The following XKR4 variants were observed in gnomAD, a reference collection of about 807,000 sequenced individuals.
XKR4 encodes the protein XK-related protein 4.
Under a neutral mutation model 53.9 loss-of-function variants are expected in XKR4, and 12 were observed. The observed-to-expected ratio is 0.22, with a 90% CI of 0.14 to 0.36. The LOEUF (loss-of-function observed/expected upper bound fraction) is 0.36. Ranked by LOEUF, XKR4 falls within the 10% of genes least tolerant of loss-of-function variation. XKR4 has a pLI of 1.00. For synonymous variants in XKR4, 354 were observed against 362.4 expected, an observed-to-expected ratio of 0.98 and a Z score of 0.26; for missense variants, 799 against 859.5, an observed-to-expected ratio of 0.93 and a Z score of 0.88.
intron 1 of XKR4, among the ~76,000 whole-genome samples, chr8:55,125,409 T>G (rs1816451397): frequency 6.6e-6 from 1 of 152,068 alleles, no homozygotes; most frequent in Non-Finnish European, 1.5e-5. Flanking sequence ...TAATTTTGTA[T>G]TTTTAGTAGA....
intron 2 of XKR4, among the ~76,000 whole-genome samples, chr8:55,420,020 G>T (rs1478352465): frequency 6.6e-6 from 1 of 152,184 alleles, no homozygotes; most frequent in Non-Finnish European, 1.5e-5. Flanking sequence ...TCCAACAATT[G>T]TTATAAAAAG....
chr8:55,517,719 G>T (rs1486206417), intron 2 of XKR4: 1 of 152,210 alleles, frequency 6.6e-6, no homozygotes, highest in African/African-American at 2.4e-5. Context: ...TGGGCCCAGA[G>T]AGCTGCCAGG....
intron 1 of XKR4, among the ~76,000 whole-genome samples, chr8:55,250,834 A>C (rs1032269641): frequency 2.0e-5 from 3 of 152,254 alleles, no homozygotes; most frequent in African/African-American, 7.2e-5. Context: ...GAATAATTCA[A>C]ATAATCAATG....
chr8:55,320,699 G>A (rs562219070), intron 1 of XKR4, among the ~76,000 whole-genome samples: 2 of 152,096 alleles, frequency 1.3e-5, no homozygotes, highest in South Asian at 4.2e-4. Flanking sequence ...GCCTGATTCT[G>A]GCAGTCTGCA....
At chr8:55,369,344 A>AGAAAG (rs1188923513) in intron 2 of XKR4, among the ~76,000 whole-genome samples, 7 of 121,232 alleles carry the variant, frequency 5.8e-5, no homozygotes, top group East Asian at 5.6e-4. Context: ...CATGATGCTG[A>AGAAAG]GAAAGGAAAG....
intron 1 of XKR4, among the ~76,000 whole-genome samples, chr8:55,341,620 A>G (rs1803547884): frequency 6.6e-6 from 1 of 152,240 alleles, no homozygotes; most frequent in African/African-American, 2.4e-5. Flanking sequence ...CCAAAAAAAG[A>G]TGACCAAAGA....
In XKR4 at chr8:55,335,619, T is replaced by C. The variant is rs569998952; in HGVS notation, c.807-22059T>C. 2.0e-5 allele frequency among the ~76,000 whole-genome samples: 3 copies of C among 152,318 alleles called. No individual in the cohort carries two copies. In the East Asian group the frequency reaches 5.8e-4, roughly 29 times the overall value. On this transcript the variant is annotated intron_variant, in intron 1 of 2. Transcript: ENST00000327381. The stretch of plus-strand genomic sequence containing the variant: ...AAACCTATGTTCACACAAAATCCTG[T>C]ATTTGAATATTTGTAGCAGTATATT...
chr8:55,446,847 G>A (rs562846538), intron 2 of XKR4, among the ~76,000 whole-genome samples: 38 of 152,290 alleles, frequency 2.5e-4, no homozygotes, highest in South Asian at 4.1e-4. Context: ...GTCAATGGAC[G>A]TTTGCAGAGT....
intron 1 of XKR4, among the ~76,000 whole-genome samples, chr8:55,304,693 C>T (rs1585999737): frequency 6.6e-6 from 1 of 152,198 alleles, no homozygotes; most frequent in Non-Finnish European, 1.5e-5. Context: ...GTATTGGGTG[C>T]ATATATATTT....
chr8:55,154,295 C>T (rs1816877437), intron 1 of XKR4, among the ~76,000 whole-genome samples: 1 of 152,082 alleles, frequency 6.6e-6, no homozygotes, highest in Non-Finnish European at 1.5e-5. Context: ...TAGTTTTGAG[C>T]CTCTATACAA....
At chr8:55,150,449 T>G (rs1356127131) in intron 1 of XKR4, among the ~76,000 whole-genome samples, 3 of 152,194 alleles carry the variant, frequency 2.0e-5, no homozygotes, top group Non-Finnish European at 2.9e-5. Context: ...AAAATATAAT[T>G]TGAGCATGCA....
intron 2 of XKR4, among the ~76,000 whole-genome samples, chr8:55,501,263 T>TA (rs2129403490): frequency 6.6e-6 from 1 of 152,340 alleles, no homozygotes; most frequent in African/African-American, 2.4e-5. Flanking sequence ...TTTATTGTAG[T>TA]AAAATACATG....
chr8:55,240,206 A>G (rs1280666339), intron 1 of XKR4, among the ~76,000 whole-genome samples: 2 of 152,200 alleles, frequency 1.3e-5, no homozygotes, highest in Non-Finnish European at 2.9e-5. Flanking sequence ...AAGCCAGCCA[A>G]TTAGAATACA....
At chr8:55,266,509 G>A (rs1381977068) in intron 1 of XKR4, among the ~76,000 whole-genome samples, 1 of 152,058 alleles carries the variant, frequency 6.6e-6, no homozygotes, top group East Asian at 1.9e-4. Flanking sequence ...GAGAAGGAGA[G>A]GCATCCAGCC....
intron 2 of XKR4, among the ~76,000 whole-genome samples, chr8:55,460,170 C>T (rs191118921): frequency 9.2e-5 from 14 of 152,170 alleles, no homozygotes; most frequent in African/African-American, 1.9e-4. Context: ...GGAAACCGTA[C>T]GCAAAGACTA....
At chr8:55,247,267 T>C (rs1818297787) in intron 1 of XKR4, among the ~76,000 whole-genome samples, 1 of 152,192 alleles carries the variant, frequency 6.6e-6, no homozygotes, top group African/African-American at 2.4e-5. Flanking sequence ...AAGTTTCCTA[T>C]AATCATCTAG....
At chr8:55,206,711 A>C (rs1817655992) in intron 1 of XKR4, among the ~76,000 whole-genome samples, 2 of 152,234 alleles carry the variant, frequency 1.3e-5, no homozygotes, top group Non-Finnish European at 2.9e-5. Context: ...GATTTTTGAC[A>C]TACTTACGAT....
At chr8:55,291,984 T>C (rs1056017706) in intron 1 of XKR4, among the ~76,000 whole-genome samples, 3 of 152,176 alleles carry the variant, frequency 2.0e-5, no homozygotes, top group Non-Finnish European at 2.9e-5. Flanking sequence ...GTGGATTACA[T>C]TGATTTTCAA....
At chr8:55,289,646 A>G (rs56237363) in intron 1 of XKR4, among the ~76,000 whole-genome samples, 18,398 of 85,222 alleles carry the variant, frequency 0.22, 2,516 homozygotes, top group East Asian at 0.5. Flanking sequence ...AGAAAGAAAG[A>G]AAGGAAGGAA....
Sources: gnomAD v4.1 joint callset for allele counts (sites outside exome capture counted in the v4.1 genomes callset) on GRCh38, gnomAD v4.1.1 for gene constraint, MANE v1.5 for transcripts, NCBI Gene and HGNC (gene_info 2026-07-23, HGNC 2026-07-21) for gene names.